Variants in FOCAD observed in about 807,000 individuals in gnomAD.
The protein encoded by FOCAD is KIAA1797.
A neutral mutation model predicts 225.6 loss-of-function variants in FOCAD; 198 were observed. The observed-to-expected ratio is 0.88, with a 90% CI of 0.78 to 0.99. The LOEUF is 0.99. FOCAD is among the 50% of genes least tolerant of loss of function. The pLI is 0.00. For synonymous variants in FOCAD, 897 were observed against 755.0 expected (o/e 1.19, Z -3.08); for missense variants, 2,713 against 2,123.6 (o/e 1.28, Z -5.46).
chr9:20,798,490 G>A (rs1821392490), intron 11 of FOCAD, among the ~76,000 whole-genome samples: 2 of 152,066 alleles, frequency 1.3e-5, no homozygotes, highest in Admixed American at 6.5e-5. Context: ...ACTTTTTTTG[G>A]TTGGTAAGCT....
At position 20,789,492 on chromosome 9, in the gene FOCAD, G is replaced by A. The variant is rs758183031; in HGVS notation, c.1339G>A (p.Val447Met). Residue 447 changes from valine to methionine, a missense_variant, in exon 11 of 44, where the codon GTG (valine) becomes ATG (methionine). Coordinates refer to ENST00000338382, the MANE Select transcript of FOCAD (RefSeq NM_001375567.1). ...SVESLLPITA[V>M]IPAPAFLLLA... ...AGAGTCATTGCTTCCTATTACTGCT[G>A]TGATCCCTGCGCCTGCCTTTCTTCT... The A allele has an allele frequency of 3.1e-6, 5 of 1,613,968 alleles. No homozygotes were observed. Among genetic ancestry groups the A allele is most frequent in the East Asian group, 2.2e-5 (1 of 44,858 alleles).
chr9:20,935,183 T>A (rs1835837416), intron 28 of FOCAD, among the ~76,000 whole-genome samples: 1 of 152,200 alleles, frequency 6.6e-6, no homozygotes, highest in African/African-American at 2.4e-5. Flanking sequence ...CAGAGAGTTT[T>A]CAGTAATAAT....
intron 35 of FOCAD, among the ~76,000 whole-genome samples, chr9:20,964,900 C>G (rs1009377986): frequency 6.6e-6 from 1 of 152,080 alleles, no homozygotes; most frequent in Admixed American, 6.5e-5. Context: ...ACTACTATAC[C>G]TGTTGGCAGG....
At chr9:20,849,435 G>A (rs1376120321) in intron 15 of FOCAD, among the ~76,000 whole-genome samples, 1 of 151,228 alleles carries the variant, frequency 6.6e-6, no homozygotes, top group African/African-American at 2.4e-5. Flanking sequence ...TTTTTCTGGG[G>A]TATTCTAATA....
At chr9:20,775,739 G>C (rs1432125624) in intron 8 of FOCAD, among the ~76,000 whole-genome samples, 1 of 152,152 alleles carries the variant, frequency 6.6e-6, no homozygotes, top group African/African-American at 2.4e-5. Flanking sequence ...GTGATGTTTA[G>C]TGCTATTTTC....
chr9:20,932,931 T>C, intron 27 of FOCAD, 83 bp from the exon 28 acceptor site: 2 of 953,174 alleles, frequency 2.1e-6, no homozygotes, highest in Non-Finnish European at 3.3e-6. Context: ...CAGTAAAATA[T>C]TGAGAGTATA....
At chr9:20,840,545 T>A (rs937921102) in intron 15 of FOCAD, among the ~76,000 whole-genome samples, 1 of 151,616 alleles carries the variant, frequency 6.6e-6, no homozygotes, top group African/African-American at 2.4e-5. Context: ...TTACTTTGTT[T>A]TTTTCATATT....
intron 35 of FOCAD, among the ~76,000 whole-genome samples, chr9:20,962,662 C>T (rs1472838886): frequency 2.0e-5 from 3 of 152,036 alleles, no homozygotes; most frequent in Non-Finnish European, 2.9e-5. Flanking sequence ...AAAGTATGTG[C>T]GATAATGGGT....
At chr9:20,896,123 T>TG (rs1385655950) in intron 21 of FOCAD, among the ~76,000 whole-genome samples, 3 of 152,110 alleles carry the variant, frequency 2.0e-5, no homozygotes, top group Admixed American at 1.3e-4. Context: ...GATATGATTA[T>TG]GTGATTTTTC....
chr9:20,748,964 T>C (rs998013680), intron 5 of FOCAD, among the ~76,000 whole-genome samples: 3 of 152,184 alleles, frequency 2.0e-5, no homozygotes, highest in Admixed American at 6.6e-5. Flanking sequence ...TAAATGTCTT[T>C]AAGGCCACAA....
chr9:20,656,290 G>T (rs1408182512), upstream of FOCAD, among the ~76,000 whole-genome samples: 1 of 151,778 alleles, frequency 6.6e-6, no homozygotes. Context: ...ATGTCTATTA[G>T]GTCTGCTTGG....
intron 39 of FOCAD, among the ~76,000 whole-genome samples, chr9:20,982,999 C>T (rs1222047888): frequency 6.6e-6 from 1 of 152,112 alleles, no homozygotes; most frequent in Non-Finnish European, 1.5e-5. Flanking sequence ...CTGTGAGCTC[C>T]CTTATAGCTG....
At chr9:20,748,055 G>T (rs984996960) in intron 5 of FOCAD, among the ~76,000 whole-genome samples, 1 of 151,712 alleles carries the variant, frequency 6.6e-6, no homozygotes, top group Non-Finnish European at 1.5e-5. Context: ...TTTGCTTTTG[G>T]GGGGTTGATT....
intron 35 of FOCAD, among the ~76,000 whole-genome samples, chr9:20,959,678 T>G (rs148593689): frequency 6.6e-6 from 1 of 152,148 alleles, no homozygotes; most frequent in African/African-American, 2.4e-5. Flanking sequence ...CTTACATTTA[T>G]GTCTTTGATG....
At position 20,882,880 on chromosome 9, in the gene FOCAD, A is replaced by G. The variant is rs555192647; in HGVS notation, c.2503+824A>G. 1.4e-3 allele frequency among the ~76,000 whole-genome samples: 209 copies of G among 152,274 alleles called. 1 individual carries two copies. The highest frequency in any genetic ancestry group is 2.3e-3 in the Non-Finnish European group (155 of 68,020). On this transcript the variant is annotated intron_variant, in intron 20 of 43. Coordinates refer to ENST00000338382, the MANE Select transcript of FOCAD (RefSeq NM_001375567.1). ...CCTAAATCTCTCATAATTTTTTCAG[A>G]TTGAGGAGTCAAAGACTCATTAGAC... is the stretch of plus-strand genomic sequence containing the variant.
At chr9:20,965,006 A>G (rs1259437617) in intron 35 of FOCAD, among the ~76,000 whole-genome samples, 1 of 152,206 alleles carries the variant, frequency 6.6e-6, no homozygotes, top group Non-Finnish European at 1.5e-5. Context: ...AGAAAGGCCT[A>G]GATCAGAAGT....
At chr9:20,881,345 G>C (rs1830650231) in intron 19 of FOCAD, among the ~76,000 whole-genome samples, 1 of 152,178 alleles carries the variant, frequency 6.6e-6, no homozygotes, top group Admixed American at 6.5e-5. Flanking sequence ...CTGAGGGGGA[G>C]TCAGGGCTAG....
At chr9:20,944,066 T>A (rs1836931216) in intron 28 of FOCAD, among the ~76,000 whole-genome samples, 2 of 152,230 alleles carry the variant, frequency 1.3e-5, no homozygotes, top group African/African-American at 4.8e-5. Context: ...AGGATTAATG[T>A]CATTGTGCAC....
intron 11 of FOCAD, among the ~76,000 whole-genome samples, chr9:20,801,847 T>A (rs1039757544): frequency 6.6e-6 from 1 of 152,124 alleles, no homozygotes; most frequent in African/African-American, 2.4e-5. Context: ...TTTGGTGGAT[T>A]TGGTGGGAAA....
Sources: allele counts gnomAD v4.1 joint callset (sites outside exome capture counted in the v4.1 genomes callset), GRCh38; gene constraint gnomAD v4.1.1; transcripts MANE v1.5; gene names NCBI Gene and HGNC (gene_info 2026-07-23, HGNC 2026-07-21).